Variants in TAFA4 observed in about 807,000 individuals in gnomAD.
TAFA4 encodes chemokine-like protein TAFA-4.
TAFA4 carries 20 observed loss-of-function variants against 21.1 expected under a neutral mutation model. The ratio of observed to expected loss-of-function variants is 0.95; its 90% CI spans 0.67 to 1.38. The LOEUF (loss-of-function observed/expected upper bound fraction) is 1.38. TAFA4 is among the 40% of genes most tolerant of loss of function. TAFA4 has a pLI of 0.00. For missense variants in TAFA4, 211 were observed against 180.9 expected (o/e 1.17, Z -0.95); for synonymous variants, 71 against 67.4 (o/e 1.05, Z -0.26).
chr3:68,840,130 G>A (rs1034845776), intron 3 of TAFA4, among the ~76,000 whole-genome samples: 1 of 152,154 alleles, frequency 6.6e-6, no homozygotes, highest in Non-Finnish European at 1.5e-5. Flanking sequence ...GGACCCCATG[G>A]CAAATGGGGC....
chr3:68,801,005 T>C (rs1319330781), intron 3 of TAFA4, among the ~76,000 whole-genome samples: 4 of 152,124 alleles, frequency 2.6e-5, no homozygotes, highest in African/African-American at 9.7e-5. Flanking sequence ...CTAGTTAGGC[T>C]TTCAAGTGTT....
At chr3:68,929,955 T>G (rs1256310854) in intron 1 of TAFA4, among the ~76,000 whole-genome samples, 3 of 152,174 alleles carry the variant, frequency 2.0e-5, no homozygotes, top group Non-Finnish European at 2.9e-5. Flanking sequence ...TGATGTCATA[T>G]CCAATGGTTA....
chr3:68,915,981 A>T (rs550646677), intron 1 of TAFA4: 1 of 152,230 alleles, frequency 6.6e-6, no homozygotes, highest in Admixed American at 6.5e-5. Flanking sequence ...CTATTTTTCT[A>T]TCTGCAAAGG....
chr3:68,813,902 A>C (rs1421370111), intron 3 of TAFA4, among the ~76,000 whole-genome samples: 1 of 152,232 alleles, frequency 6.6e-6, no homozygotes, highest in Admixed American at 6.5e-5. Context: ...ATGAACATCG[A>C]GGCAAAAATC....
At chr3:68,820,948 A>C (rs1056100727) in intron 3 of TAFA4, among the ~76,000 whole-genome samples, 3 of 152,226 alleles carry the variant, frequency 2.0e-5, no homozygotes, top group Non-Finnish European at 2.9e-5. Context: ...GGTAAACCAA[A>C]GGAATTACAA....
At chr3:68,840,294 A>G (rs142239992) in intron 3 of TAFA4, among the ~76,000 whole-genome samples, 257 of 152,110 alleles carry the variant, frequency 1.7e-3, no homozygotes, top group African/African-American at 5.7e-3. Context: ...TGCAGCCCCG[A>G]CCTCCTGGGT....
chr3:68,733,873 A>G (rs1702195385), intron 5 of TAFA4, among the ~76,000 whole-genome samples: 1 of 152,176 alleles, frequency 6.6e-6, no homozygotes, highest in South Asian at 2.1e-4. Context: ...CAGCGTTGCT[A>G]TTAACTGACA....
At chr3:68,798,130 G>C (rs1703492110) in intron 3 of TAFA4, among the ~76,000 whole-genome samples, 1 of 152,150 alleles carries the variant, frequency 6.6e-6, no homozygotes, top group African/African-American at 2.4e-5. Flanking sequence ...TTTATTAAAA[G>C]GTGGCATGGC....
intron 3 of TAFA4, among the ~76,000 whole-genome samples, chr3:68,848,772 T>G (rs1359369291): frequency 1.3e-5 from 2 of 152,268 alleles, no homozygotes; most frequent in Middle Eastern, 3.4e-3. Context: ...ATAAAGTCCC[T>G]AGCCCCTCTG....
At chr3:68,891,543 C>T (rs1393079550) in intron 1 of TAFA4, among the ~76,000 whole-genome samples, 1 of 152,084 alleles carries the variant, frequency 6.6e-6, no homozygotes. Flanking sequence ...TACTAGGGCA[C>T]AAGTAGGAAT....
chr3:68,900,922 T>A (rs1354883737), intron 1 of TAFA4, among the ~76,000 whole-genome samples: 2 of 152,158 alleles, frequency 1.3e-5, no homozygotes, highest in African/African-American at 2.4e-5. Context: ...CCAGCCCCCA[T>A]CAAACCTTCT....
intron 3 of TAFA4, among the ~76,000 whole-genome samples, chr3:68,847,685 G>T (rs187625735): frequency 5.3e-5 from 8 of 152,338 alleles, no homozygotes; most frequent in Admixed American, 5.2e-4. Context: ...CATGGGAAAA[G>T]CACAGTATCT....
At chr3:68,887,384 T>C (rs1469115561) in intron 1 of TAFA4, among the ~76,000 whole-genome samples, 11 of 152,100 alleles carry the variant, frequency 7.2e-5, no homozygotes, top group African/African-American at 2.2e-4. Context: ...AGCAGCTCTC[T>C]TGGGTTGGAG....
At chr3:68,778,626 C>T (rs776509647) in intron 3 of TAFA4, among the ~76,000 whole-genome samples, 1 of 152,138 alleles carries the variant, frequency 6.6e-6, no homozygotes, top group African/African-American at 2.4e-5. Context: ...GAGGTGTTCC[C>T]CTGCACAAGC....
At chr3:68,869,723 T>C (rs1237674655) in intron 3 of TAFA4, among the ~76,000 whole-genome samples, 1 of 151,782 alleles carries the variant, frequency 6.6e-6, no homozygotes, top group Non-Finnish European at 1.5e-5. Context: ...AAAACAAAAA[T>C]GGCCATACGT....
intron 1 of TAFA4, among the ~76,000 whole-genome samples, chr3:68,889,575 T>C (rs993435605): frequency 1.3e-5 from 2 of 152,168 alleles, no homozygotes; most frequent in Admixed American, 1.3e-4. Context: ...TCACTCCACA[T>C]ATGAATCTGC....
chr3:68,800,031 C>T (rs989038128), intron 3 of TAFA4, among the ~76,000 whole-genome samples: 8 of 152,088 alleles, frequency 5.3e-5, no homozygotes, highest in Non-Finnish European at 1.2e-4. Context: ...TTGTTACTGT[C>T]TCCCATTGCC....
At chr3:68,872,750 T>C (rs1318275329) in intron 3 of TAFA4, among the ~76,000 whole-genome samples, 5 of 152,132 alleles carry the variant, frequency 3.3e-5, no homozygotes, top group Non-Finnish European at 5.9e-5. Flanking sequence ...TTTAGATAAA[T>C]TGTCTCATTT....
intron 3 of TAFA4, among the ~76,000 whole-genome samples, chr3:68,880,251 T>A (rs976637229): frequency 1.3e-5 from 2 of 152,174 alleles, no homozygotes; most frequent in Non-Finnish European, 2.9e-5. Context: ...TTTCTTTTTT[T>A]AAAAAATCAT....
Sources: allele counts gnomAD v4.1 joint callset (sites outside exome capture counted in the v4.1 genomes callset), GRCh38; gene constraint gnomAD v4.1.1; transcripts MANE v1.5; gene names NCBI Gene and HGNC (gene_info 2026-07-23, HGNC 2026-07-21).